Variants in AIG1 observed in about 807,000 individuals in gnomAD.
The protein encoded by AIG1 is androgen-induced gene 1 protein.
AIG1 carries 23 observed loss-of-function variants against 31.4 expected under a neutral mutation model. The observed-to-expected ratio is 0.73, with a 90% CI of 0.53 to 1.04. The LOEUF (loss-of-function observed/expected upper bound fraction) is 1.04, where lower values mean the gene tolerates loss of function less well. Ranked by LOEUF, AIG1 falls within the 50% of genes least tolerant of loss-of-function variation. The probability of loss-of-function intolerance (pLI) is 0.00; values close to 1 mark genes in which losing one functional copy is unlikely to be tolerated. For missense variants in AIG1, 274 were observed against 295.0 expected (o/e 0.93, Z 0.52); for synonymous variants, 100 against 110.5 (o/e 0.90, Z 0.60).
At chr6:143,060,875 C>G (rs772549714), upstream of AIG1, 1 of 1,276,758 alleles carries the variant, frequency 7.8e-7, no homozygotes, top group East Asian at 3.2e-5. Flanking sequence ...CCCGGCGCCT[C>G]CCTCACGCCC....
chr6:143,071,272 G>T (rs536264370), intron 1 of AIG1, among the ~76,000 whole-genome samples: 2 of 152,112 alleles, frequency 1.3e-5, no homozygotes, highest in Admixed American at 1.3e-4. Context: ...TCAGTAGTTC[G>T]TTCCTTTTTA....
At position 143,171,754 on chromosome 6, in the gene AIG1, A is replaced by G. The variant is rs892046345; in HGVS notation, c.399+6571A>G. The stretch of plus-strand genomic sequence containing the variant: ...ACTTTTTGTTATTTTAGGAAACTCC[A>G]CACTGTTTTCCATAGTGGTTGTACT... On this transcript the variant is annotated intron_variant, in intron 3 of 5. Coordinates refer to ENST00000357847, the MANE Select transcript of AIG1 (RefSeq NM_016108.4). Among the ~76,000 whole-genome samples the G allele has an allele frequency of 2.6e-5, 4 of 151,572 alleles. No individual in the cohort carries two copies. The South Asian group carries it at 8.3e-4, about 31-fold the overall frequency.
In AIG1 at chr6:143,339,641, A is replaced by G. The variant is rs1388760073; in HGVS notation, c.682A>G (p.Met228Val). 3 of 1,613,182 alleles carry G rather than the reference A, an allele frequency of 1.9e-6. No homozygotes were observed. The highest frequency in any genetic ancestry group is 1.7e-5 in the Admixed American group (1 of 59,910). ...NNYIWDTQKSMEEEKEKPKLE is the reference protein window; with the variant it reads ...NNYIWDTQKSVEEEKEKPKLE ...AAACACTTTGCCTGTATTTCTAGGT[A>G]TGGAAGAAGAGAAAGAAAAGCCTAA... The change falls in exon 6 of 6, where the codon ATG becomes GTG. Residue 228 changes from methionine (M) to valine (V), a missense_variant and splice_region_variant. Coordinates refer to ENST00000357847, the MANE Select transcript of AIG1 (RefSeq NM_016108.4).
chr6:143,261,613 C>T (rs1322738702), intron 3 of AIG1, among the ~76,000 whole-genome samples: 3 of 151,936 alleles, frequency 2.0e-5, no homozygotes, highest in Non-Finnish European at 4.4e-5. Flanking sequence ...AAAGTATAGC[C>T]CTTACCTTTC....
Position 143,339,680 on chromosome 6 carries a change from C to T in AIG1, c.*4C>T. 1 of 1,613,012 alleles carries T rather than the reference C, an allele frequency of 6.2e-7. No homozygotes were observed. Among genetic ancestry groups the T allele is most frequent in the African/African-American group, 1.3e-5 (1 of 74,944 alleles). On this transcript the variant is annotated 3_prime_UTR_variant, in exon 6 of 6. Coordinates refer to ENST00000357847, the MANE Select transcript of AIG1 (RefSeq NM_016108.4). ...AGAAAAGCCTAAATTGGAATGAGAT[C>T]CAAGTCTAAACGCAAGAGCTAGATT...
rs768769709 is a variant in AIG1, at chr6:143,333,273, C to T, written c.516-9C>T. 1.3e-6 allele frequency: 2 copies of T among 1,599,908 alleles called. No individual in the cohort carries two copies. Among genetic ancestry groups the T allele is most frequent in the South Asian group, 1.1e-5 (1 of 88,798 alleles). The stretch of plus-strand genomic sequence containing the variant: ...TCCTGTCCTTGTCTCCTTTCCGATT[C>T]TTTTGCAGGGTGTGCTGGGTGCATC... On this transcript the variant is annotated splice_polypyrimidine_tract_variant and intron_variant, in intron 4 of 5. Coordinates refer to ENST00000357847, the MANE Select transcript of AIG1 (RefSeq NM_016108.4). The surrounding 1 kb of genome is among the most constrained non-coding windows in gnomAD (Gnocchi z 4.6).
downstream of AIG1, chr6:143,342,461 A>G: frequency 1.3e-6 from 1 of 775,724 alleles, no homozygotes; most frequent in South Asian, 1.4e-5. Context: ...CAAGTGGTGA[A>G]GCATACAAGA....
chr6:143,246,395 C>G (rs1794627080), intron 3 of AIG1, among the ~76,000 whole-genome samples: 1 of 152,074 alleles, frequency 6.6e-6, no homozygotes, highest in Non-Finnish European at 1.5e-5. Flanking sequence ...AAAAAGAGAG[C>G]CTGTGCAGGG....
chr6:143,342,572 C>G (rs1583926894), downstream of AIG1: 3 of 969,796 alleles, frequency 3.1e-6, no homozygotes, highest in East Asian at 7.1e-5. Context: ...GTTGGGTTTA[C>G]AGGCTGTGCA....
At chr6:143,154,542 C>G (rs779548824) in intron 2 of AIG1, among the ~76,000 whole-genome samples, 3 of 152,028 alleles carry the variant, frequency 2.0e-5, no homozygotes, top group Non-Finnish European at 4.4e-5. Context: ...AAAGTTAGTA[C>G]CAGGGAGTTT....
intron 1 of AIG1, among the ~76,000 whole-genome samples, chr6:143,086,644 T>C (rs919081613): frequency 1.3e-5 from 2 of 151,924 alleles, no homozygotes; most frequent in African/African-American, 4.8e-5. Context: ...AGTGTAGAGC[T>C]TCCTTAGATC....
intron 3 of AIG1, among the ~76,000 whole-genome samples, chr6:143,175,223 A>G (rs1258053710): frequency 1.3e-5 from 2 of 152,336 alleles, no homozygotes; most frequent in African/African-American, 4.8e-5. Flanking sequence ...CTTTTGCCTC[A>G]CAGCTCTTAA....
intron 1 of AIG1, among the ~76,000 whole-genome samples, chr6:143,093,379 A>G (rs1180036306): frequency 6.6e-6 from 1 of 152,150 alleles, no homozygotes; most frequent in Admixed American, 6.5e-5. Flanking sequence ...CATCCCTCTC[A>G]GCCCTCATAG....
rs756416790 is a variant in AIG1, at chr6:143,256,752, G to T, written c.400-27358G>T. ...AGCAAATTCTTATTTTCTTTGTTTG[G>T]CACTCTCTAGATTTTGACACATTAG... is the stretch of plus-strand genomic sequence containing the variant. On this transcript the variant is annotated intron_variant, in intron 3 of 5. Transcript: ENST00000357847. This position sits in a 1 kb window ranked among gnomAD's most constrained non-coding sequence, Gnocchi z 4.6. Among the ~76,000 whole-genome samples, 10 of 151,948 alleles carry T rather than the reference G, an allele frequency of 6.6e-5. No homozygotes were observed. Among genetic ancestry groups the T allele is most frequent in the Non-Finnish European group, 1.5e-4 (10 of 67,990 alleles).
intron 3 of AIG1, among the ~76,000 whole-genome samples, chr6:143,239,304 C>G (rs2128637668): frequency 6.6e-6 from 1 of 152,298 alleles, no homozygotes. Context: ...AATCTCGTAA[C>G]AGAAGTGAAA....
intron 2 of AIG1, among the ~76,000 whole-genome samples, chr6:143,154,648 C>T (rs1363502449): frequency 1.3e-5 from 2 of 152,200 alleles, no homozygotes; most frequent in African/African-American, 4.8e-5. Context: ...AAAATGAGTG[C>T]GTGTCAAAGC....
chr6:143,343,704 T>A (rs1402322109), downstream of AIG1, among the ~76,000 whole-genome samples: 8 of 152,240 alleles, frequency 5.3e-5, no homozygotes, highest in Non-Finnish European at 1.0e-4. Flanking sequence ...TATGTGTGTG[T>A]GTGTGCATGT....
At chr6:143,187,727 A>G (rs1294950683) in intron 3 of AIG1, 1 of 1,535,912 alleles carries the variant, frequency 6.5e-7, no homozygotes, top group Non-Finnish European at 8.7e-7. Context: ...AGCAATGACT[A>G]AAGGATTGAC....
chr6:143,175,907 T>G (rs975667375), intron 3 of AIG1, among the ~76,000 whole-genome samples: 3 of 152,176 alleles, frequency 2.0e-5, no homozygotes, highest in African/African-American at 7.2e-5. Context: ...CCAGAATTGT[T>G]TTTCTGGTTC....
Sources: allele counts gnomAD v4.1 joint callset (sites outside exome capture counted in the v4.1 genomes callset), GRCh38; gene constraint gnomAD v4.1.1; non-coding constraint Gnocchi (gnomAD v3.1); transcripts MANE v1.5; gene names NCBI Gene and HGNC (gene_info 2026-07-23, HGNC 2026-07-21).